Variants in LIN52 observed in about 807,000 individuals in gnomAD.
LIN52 encodes the protein lin-52 DREAM MuvB core complex component.
Under a neutral mutation model 18.5 loss-of-function variants are expected in LIN52, and 4 were observed. The observed-to-expected ratio is 0.22, with a 90% confidence interval of 0.11 to 0.49. LIN52 has a LOEUF of 0.49. Ranked by LOEUF, LIN52 falls within the 20% of genes least tolerant of loss-of-function variation. LIN52 has a pLI of 0.97. For missense variants in LIN52, 102 were observed against 139.5 expected (o/e 0.73, Z 1.35); for synonymous variants, 34 against 45.5 (o/e 0.75, Z 1.02).
chr14:74,192,707 C>A, intron 5 of LIN52: 1 of 264,872 alleles, frequency 3.8e-6, no homozygotes, highest in South Asian at 4.5e-5. Flanking sequence ...AACAGTATAT[C>A]AATGAGGCAG....
chr14:74,195,012 G>A (rs986056865), intron 5 of LIN52, among the ~76,000 whole-genome samples: 8 of 152,174 alleles, frequency 5.3e-5, no homozygotes, highest in Non-Finnish European at 8.8e-5. Context: ...CAAGTGTGGT[G>A]GTGCATGCTT....
At chr14:74,194,542 G>A (rs751837370) in intron 5 of LIN52, among the ~76,000 whole-genome samples, 1 of 152,218 alleles carries the variant, frequency 6.6e-6, no homozygotes, top group Non-Finnish European at 1.5e-5. Context: ...AAACCTGAAA[G>A]TTGATTGTAG....
chr14:74,100,665 A>C (rs199530056), intron 4 of LIN52, among the ~76,000 whole-genome samples: 14 of 152,114 alleles, frequency 9.2e-5, no homozygotes, highest in East Asian at 5.8e-4. Context: ...TAGTAGAGAC[A>C]GGGTTTCGCC....
At chr14:74,181,128 A>AAAAAAAAAAAAAAAAAAG in intron 5 of LIN52, among the ~76,000 whole-genome samples, 1 of 140,002 alleles carries the variant, frequency 7.1e-6, no homozygotes, top group Non-Finnish European at 1.5e-5. Flanking sequence ...AAAAAAAAAA[A>AAAAAAAAAAAAAAAAAAG]GAAAAAAGAA....
chr14:74,093,513 A>C (rs959219435), intron 2 of LIN52, among the ~76,000 whole-genome samples: 4 of 151,086 alleles, frequency 2.6e-5, no homozygotes, highest in Non-Finnish European at 4.4e-5. Context: ...TATAGTAGAG[A>C]AGAGGCTTCA....
chr14:74,113,884 C>T (rs2060946459), intron 5 of LIN52: 1 of 152,082 alleles, frequency 6.6e-6, no homozygotes, highest in African/African-American at 2.4e-5. Flanking sequence ...CTTTTAGTCC[C>T]TTTATGTGTC....
At chr14:74,117,979 A>G (rs1017361967) in intron 5 of LIN52, among the ~76,000 whole-genome samples, 1 of 152,228 alleles carries the variant, frequency 6.6e-6, no homozygotes, top group African/African-American at 2.4e-5. Context: ...TCTCAGGTGT[A>G]GTTGTATTTG....
chr14:74,098,163 C>T (rs1249153645), intron 4 of LIN52, among the ~76,000 whole-genome samples: 1 of 151,982 alleles, frequency 6.6e-6, no homozygotes, highest in Non-Finnish European at 1.5e-5. Context: ...TCATTTAATT[C>T]CCATAAAGGT....
At chr14:74,103,342 G>A (rs2060872557) in intron 5 of LIN52, among the ~76,000 whole-genome samples, 1 of 151,690 alleles carries the variant, frequency 6.6e-6, no homozygotes, top group Non-Finnish European at 1.5e-5. Flanking sequence ...GCCTCCCAAA[G>A]TGCTGAGATT....
intron 5 of LIN52, among the ~76,000 whole-genome samples, chr14:74,170,371 C>T (rs954442060): frequency 1.3e-5 from 2 of 152,048 alleles, no homozygotes; most frequent in African/African-American, 4.8e-5. Flanking sequence ...TCTTTTAGGA[C>T]TTGTATATCT....
chr14:74,159,355 A>G (rs2061214305), intron 5 of LIN52, among the ~76,000 whole-genome samples: 1 of 152,202 alleles, frequency 6.6e-6, no homozygotes, highest in South Asian at 2.1e-4. Context: ...TGGTGATCTT[A>G]GCATAACCTT....
intron 5 of LIN52, among the ~76,000 whole-genome samples, chr14:74,112,638 A>T (rs989877562): frequency 5.9e-5 from 9 of 152,324 alleles, no homozygotes; most frequent in Admixed American, 3.3e-4. Flanking sequence ...CATTGGACTA[A>T]TTAGTCCTTC....
chr14:74,119,160 C>CTTTTTTT (rs543503099), intron 5 of LIN52, among the ~76,000 whole-genome samples: 1 of 115,446 alleles, frequency 8.7e-6, no homozygotes, highest in African/African-American at 3.3e-5. Flanking sequence ...GATTTTCTTT[C>CTTTTTTT]TTTTTTTTTT....
chr14:74,130,209 CA>C (rs200244186), intron 5 of LIN52, among the ~76,000 whole-genome samples: 2 of 136,418 alleles, frequency 1.5e-5, no homozygotes. Flanking sequence ...CACCCTGTCT[CA>C]AAAAAAATAA....
chr14:74,187,757 A>G (rs1162029825), intron 5 of LIN52, among the ~76,000 whole-genome samples: 2 of 152,222 alleles, frequency 1.3e-5, no homozygotes, highest in Non-Finnish European at 2.9e-5. Flanking sequence ...AACATTGTAC[A>G]GGGTTCTGTA....
intron 5 of LIN52, among the ~76,000 whole-genome samples, chr14:74,183,445 G>A (rs1330244554): frequency 6.6e-6 from 1 of 152,014 alleles, no homozygotes; most frequent in Non-Finnish European, 1.5e-5. Flanking sequence ...CTATTTCCAG[G>A]CCAATTAATC....
At chr14:74,134,578 T>A (rs1313354421) in intron 5 of LIN52, among the ~76,000 whole-genome samples, 1 of 152,206 alleles carries the variant, frequency 6.6e-6, no homozygotes, top group Admixed American at 6.5e-5. Context: ...ACCTTTAAGG[T>A]GACTTCCCTT....
chr14:74,172,594 A>C (rs996079143), intron 5 of LIN52, among the ~76,000 whole-genome samples: 3 of 152,218 alleles, frequency 2.0e-5, no homozygotes, highest in Non-Finnish European at 4.4e-5. Flanking sequence ...TGTCAGGTGC[A>C]ACTTAGGACT....
At chr14:74,179,926 G>A (rs2061310904) in intron 5 of LIN52, among the ~76,000 whole-genome samples, 1 of 152,216 alleles carries the variant, frequency 6.6e-6, no homozygotes, top group South Asian at 2.1e-4. Flanking sequence ...AGAATCACCT[G>A]TAGGGCTGGC....
Sources: gnomAD v4.1 joint callset for allele counts (sites outside exome capture counted in the v4.1 genomes callset) on GRCh38, gnomAD v4.1.1 for gene constraint, MANE v1.5 for transcripts, NCBI Gene and HGNC (gene_info 2026-07-23, HGNC 2026-07-21) for gene names.